The following REDIC1 variants were observed in gnomAD, a reference collection of about 807,000 sequenced individuals.
The protein encoded by REDIC1 is regulator of DNA class I crossover intermediates 1.
the REDIC1 span, among the ~76,000 whole-genome samples, chr12:39,900,442 T>C: frequency 6.6e-6 from 1 of 152,070 alleles, no homozygotes; most frequent in Non-Finnish European, 1.5e-5. Flanking sequence ...GAAAACCCCA[T>C]CGTCTCAGCC....
At chr12:39,763,205 T>C in the REDIC1 span, among the ~76,000 whole-genome samples, 1 of 152,052 alleles carries the variant, frequency 6.6e-6, no homozygotes, top group Non-Finnish European at 1.5e-5. Context: ...ACTAAATATA[T>C]ATCCAGTTTA....
At chr12:39,701,310 T>C in the REDIC1 span, among the ~76,000 whole-genome samples, 1 of 152,032 alleles carries the variant, frequency 6.6e-6, no homozygotes, top group East Asian at 1.9e-4. Context: ...AAACAGACTT[T>C]AAATCAACAG....
the REDIC1 span, among the ~76,000 whole-genome samples, chr12:39,727,284 GTCTTAT>G: frequency 6.6e-6 from 1 of 152,092 alleles, no homozygotes; most frequent in Non-Finnish European, 1.5e-5. Context: ...ATGGTTTTAA[GTCTTAT>G]GTTTAAGTCC....
At chr12:39,780,859 C>T in the REDIC1 span, among the ~76,000 whole-genome samples, 472 of 152,272 alleles carry the variant, frequency 3.1e-3, no homozygotes, top group Non-Finnish European at 4.8e-3. Context: ...AAAAAAACTT[C>T]CCCTAGAAGC....
chr12:39,872,557 A>G, the REDIC1 span, among the ~76,000 whole-genome samples: 21 of 152,222 alleles, frequency 1.4e-4, no homozygotes, highest in Non-Finnish European at 2.9e-5. Flanking sequence ...TGGTGAGCTA[A>G]GTCTCTAGCA....
the REDIC1 span, among the ~76,000 whole-genome samples, chr12:39,834,326 CA>C: frequency 6.6e-6 from 1 of 151,970 alleles, no homozygotes; most frequent in Non-Finnish European, 1.5e-5. Flanking sequence ...AACTCAGAAA[CA>C]AAGATTTCTA....
At chr12:39,685,575 C>G in the REDIC1 span, among the ~76,000 whole-genome samples, 1 of 152,168 alleles carries the variant, frequency 6.6e-6, no homozygotes, top group African/African-American at 2.4e-5. Flanking sequence ...CTCCAACACT[C>G]AGGATTATAA....
At chr12:39,803,520 G>T in the REDIC1 span, among the ~76,000 whole-genome samples, 2 of 151,864 alleles carry the variant, frequency 1.3e-5, no homozygotes, top group Non-Finnish European at 2.9e-5. Context: ...GATTTAAAAA[G>T]ATATAAAATG....
the REDIC1 span, among the ~76,000 whole-genome samples, chr12:39,902,806 A>G: frequency 6.6e-6 from 1 of 152,314 alleles, no homozygotes; most frequent in East Asian, 1.9e-4. Flanking sequence ...GTTATCTACT[A>G]TGAATGAGGT....
At chr12:39,722,153 A>G in the REDIC1 span, among the ~76,000 whole-genome samples, 7 of 152,124 alleles carry the variant, frequency 4.6e-5, no homozygotes, top group Non-Finnish European at 8.8e-5. Context: ...CAATGTTTTC[A>G]TGTTACATTT....
chr12:39,653,528 TTCTTCTTCTTTTTC>T, the REDIC1 span, among the ~76,000 whole-genome samples: 8 of 57,122 alleles, frequency 1.4e-4, no homozygotes, highest in South Asian at 9.5e-4. Context: ...CTTCTTCTTC[TTCTTCTTCTTTTTC>T]TTCTTCTTCT....
At chr12:39,826,927 C>A in the REDIC1 span, among the ~76,000 whole-genome samples, 2 of 140,208 alleles carry the variant, frequency 1.4e-5, no homozygotes, top group East Asian at 4.3e-4. Flanking sequence ...CTGGTGGCTT[C>A]CTTGCCTCCA....
At chr12:39,675,338 G>T in the REDIC1 span, among the ~76,000 whole-genome samples, 4 of 151,810 alleles carry the variant, frequency 2.6e-5, no homozygotes, top group Non-Finnish European at 5.9e-5. Context: ...TCCCACTTTG[G>T]TAGCCAAAGA....
chr12:39,704,618 C>G, the REDIC1 span, among the ~76,000 whole-genome samples: 1 of 151,906 alleles, frequency 6.6e-6, no homozygotes, highest in Non-Finnish European at 1.5e-5. Context: ...AAGACACATG[C>G]ACACGTATGT....
At chr12:39,876,745 T>C in the REDIC1 span, among the ~76,000 whole-genome samples, 6 of 152,080 alleles carry the variant, frequency 3.9e-5, no homozygotes, top group South Asian at 1.2e-3. Flanking sequence ...ATACAGACAA[T>C]TTTTTTCTGG....
At chr12:39,774,601 G>A in the REDIC1 span, among the ~76,000 whole-genome samples, 1 of 119,370 alleles carries the variant, frequency 8.4e-6, no homozygotes, top group African/African-American at 3.1e-5. Context: ...TTTTTTTTTT[G>A]GTTTTGTAAT....
At chr12:39,701,138 T>G in the REDIC1 span, among the ~76,000 whole-genome samples, 1 of 151,714 alleles carries the variant, frequency 6.6e-6, no homozygotes, top group South Asian at 2.1e-4. Flanking sequence ...AGACACAGAT[T>G]GGCAAATTGG....
At chr12:39,747,027 C>A in the REDIC1 span, among the ~76,000 whole-genome samples, 1 of 152,250 alleles carries the variant, frequency 6.6e-6, no homozygotes, top group South Asian at 2.1e-4. Context: ...ACCTCTCCCC[C>A]TCCAAAGGAA....
the REDIC1 span, among the ~76,000 whole-genome samples, chr12:39,733,104 A>C: frequency 7.3e-6 from 1 of 136,392 alleles, no homozygotes; most frequent in African/African-American, 2.8e-5. Context: ...CACTTATTTA[A>C]AGATAAAACA....
Sources: gnomAD v4.1 joint callset for allele counts (sites outside exome capture counted in the v4.1 genomes callset) on GRCh38, gnomAD v4.1.1 for gene constraint, MANE v1.5 for transcripts, NCBI Gene and HGNC (gene_info 2026-07-23, HGNC 2026-07-21) for gene names.